GMDS: variants seen among roughly 807,000 people sequenced by gnomAD.
GMDS encodes GDP-mannose 4,6 dehydratase.
GMDS carries 20 observed loss-of-function variants against 49.9 expected under a neutral mutation model. The ratio of observed to expected loss-of-function variants is 0.40; its 90% CI spans 0.28 to 0.58. The LOEUF (loss-of-function observed/expected upper bound fraction) is 0.58, where lower values mean the gene tolerates loss of function less well. Among genes scored for constraint, GMDS ranks in the 20% least tolerant of loss-of-function variants. The probability of loss-of-function intolerance (pLI) is 0.42; values close to 1 mark genes in which losing one functional copy is unlikely to be tolerated. For missense variants in GMDS, 362 were observed against 481.4 expected (o/e 0.75, Z 2.32); for synonymous variants, 177 against 178.6 (o/e 0.99, Z 0.07).
intron 8 of GMDS, among the ~76,000 whole-genome samples, chr6:1,733,719 G>C (rs2113462241): frequency 6.6e-6 from 1 of 152,292 alleles, no homozygotes; most frequent in South Asian, 2.1e-4. Context: ...CCTGGTGGTG[G>C]TGTGCACCCA....
intron 9 of GMDS, among the ~76,000 whole-genome samples, chr6:1,688,146 G>A (rs1765050377): frequency 6.6e-6 from 1 of 152,192 alleles, no homozygotes; most frequent in African/African-American, 2.4e-5. Flanking sequence ...CCGAAGGAGA[G>A]TGAGTGAACC....
chr6:1,939,586 C>CCTATAT (rs1561907559), intron 6 of GMDS, among the ~76,000 whole-genome samples: 2 of 121,060 alleles, frequency 1.7e-5, no homozygotes, highest in Non-Finnish European at 3.8e-5. Flanking sequence ...TATATATACA[C>CCTATAT]ACACACACAC....
chr6:1,959,003 A>G (rs1581422201), intron 6 of GMDS, among the ~76,000 whole-genome samples: 1 of 152,178 alleles, frequency 6.6e-6, no homozygotes, highest in Non-Finnish European at 1.5e-5. Flanking sequence ...CTCATCAACA[A>G]CTCTGAAAAG....
chr6:1,993,048 C>T (rs892322195), intron 4 of GMDS, among the ~76,000 whole-genome samples: 11 of 152,188 alleles, frequency 7.2e-5, no homozygotes, highest in African/African-American at 2.7e-4. Flanking sequence ...GTGAGTAGAT[C>T]GTCCAGCTGC....
At chr6:2,019,669 C>T (rs369207726) in intron 4 of GMDS, among the ~76,000 whole-genome samples, 3 of 152,048 alleles carry the variant, frequency 2.0e-5, no homozygotes, top group South Asian at 4.2e-4. Context: ...AGGCTGGTCT[C>T]GAACCCTTGA....
intron 9 of GMDS, among the ~76,000 whole-genome samples, chr6:1,688,174 T>C (rs1026090177): frequency 6.6e-6 from 1 of 152,072 alleles, no homozygotes; most frequent in African/African-American, 2.4e-5. Flanking sequence ...GATGGATAAG[T>C]TGTGGGGTGT....
chr6:2,084,957 A>T (rs377309657), intron 4 of GMDS, among the ~76,000 whole-genome samples: 1 of 152,350 alleles, frequency 6.6e-6, no homozygotes, highest in African/African-American at 2.4e-5. Flanking sequence ...ACATAAAACC[A>T]CAACCAAATT....
At chr6:1,821,940 G>A (rs572251493) in intron 7 of GMDS, among the ~76,000 whole-genome samples, 162 of 152,080 alleles carry the variant, frequency 1.1e-3, no homozygotes, top group African/African-American at 3.6e-3. Context: ...TCGTGGTAAC[G>A]TTTGCCAGGG....
intron 1 of GMDS, among the ~76,000 whole-genome samples, chr6:2,160,275 AAG>A (rs1777329296): frequency 6.6e-6 from 1 of 152,230 alleles, no homozygotes; most frequent in Non-Finnish European, 1.5e-5. Context: ...TTCTCATCAG[AAG>A]AGTGACAGTG....
intron 8 of GMDS, among the ~76,000 whole-genome samples, chr6:1,733,806 C>T (rs893527284): frequency 2.6e-5 from 4 of 151,290 alleles, no homozygotes; most frequent in African/African-American, 7.3e-5. Context: ...GAGCCGAGAT[C>T]GTGCTACTGC....
At chr6:1,864,767 T>C (rs1488970287) in intron 7 of GMDS, among the ~76,000 whole-genome samples, 1 of 152,006 alleles carries the variant, frequency 6.6e-6, no homozygotes, top group Non-Finnish European at 1.5e-5. Flanking sequence ...CTCCTCTGAG[T>C]AGAAAGTAGG....
chr6:2,017,837 A>C (rs1281549670), intron 4 of GMDS, among the ~76,000 whole-genome samples: 1 of 152,202 alleles, frequency 6.6e-6, no homozygotes, highest in East Asian at 1.9e-4. Flanking sequence ...AATTGTAAAG[A>C]AGGAAAAAAC....
At chr6:1,680,202 T>A (rs530056449) in intron 9 of GMDS, among the ~76,000 whole-genome samples, 2 of 152,326 alleles carry the variant, frequency 1.3e-5, no homozygotes, top group Admixed American at 1.3e-4. Flanking sequence ...AGACCGGGCC[T>A]CAGAGGTGAA....
chr6:2,136,729 AAAG>A (rs1776023045), intron 1 of GMDS, among the ~76,000 whole-genome samples: 2 of 152,248 alleles, frequency 1.3e-5, no homozygotes, highest in South Asian at 4.1e-4. Context: ...CAAAAAAAAC[AAAG>A]AAAATGTTTG....
chr6:1,948,140 T>G (rs1194592993), intron 6 of GMDS, among the ~76,000 whole-genome samples: 1 of 152,150 alleles, frequency 6.6e-6, no homozygotes, highest in East Asian at 1.9e-4. Flanking sequence ...CTCAGAGAGA[T>G]TGAGAAACTG....
chr6:2,187,864 T>C (rs1429348133), intron 1 of GMDS, among the ~76,000 whole-genome samples: 1 of 152,214 alleles, frequency 6.6e-6, no homozygotes, highest in Admixed American at 6.5e-5. Context: ...GAACAGGAAA[T>C]TGTGGATTCA....
intron 9 of GMDS, among the ~76,000 whole-genome samples, chr6:1,672,708 C>T (rs377047448): frequency 2.0e-5 from 3 of 152,278 alleles, no homozygotes; most frequent in South Asian, 4.1e-4. Flanking sequence ...AAGTGAAAAC[C>T]CTCCTGTTCA....
intron 1 of GMDS, among the ~76,000 whole-genome samples, chr6:2,211,305 C>T (rs1429559244): frequency 6.6e-6 from 1 of 152,140 alleles, no homozygotes; most frequent in Non-Finnish European, 1.5e-5. Flanking sequence ...CGTCTGGGGC[C>T]ATGTCTACCA....
intron 1 of GMDS, among the ~76,000 whole-genome samples, chr6:2,241,528 T>G (rs12209836): frequency 0.13 from 19,583 of 152,136 alleles, 1,876 homozygotes; most frequent in East Asian, 0.41. Context: ...TGGGAACTAA[T>G]AGGAGGTGTT....
Sources: allele counts gnomAD v4.1 joint callset (sites outside exome capture counted in the v4.1 genomes callset), GRCh38; gene constraint gnomAD v4.1.1; transcripts MANE v1.5; gene names NCBI Gene and HGNC (gene_info 2026-07-23, HGNC 2026-07-21).